Variants in NCKAP5 observed in about 807,000 individuals in gnomAD.
NCKAP5 encodes the protein NCK associated protein 5.
Under a neutral mutation model 167.0 loss-of-function variants are expected in NCKAP5, and 92 were observed. The observed-to-expected ratio is 0.55, with a 90% CI of 0.47 to 0.66. The LOEUF (loss-of-function observed/expected upper bound fraction) is 0.66, where lower values mean the gene tolerates loss of function less well. Among genes scored for constraint, NCKAP5 ranks in the 30% least tolerant of loss-of-function variants. The pLI is 0.00. For synonymous variants in NCKAP5, 891 were observed against 877.4 expected, an observed-to-expected ratio of 1.02 and a Z score of -0.27; for missense variants, 2,378 against 2,315.0, an observed-to-expected ratio of 1.03 and a Z score of -0.56.
At chr2:132,799,459 G>GCAT (rs1207032887) in intron 11 of NCKAP5, among the ~76,000 whole-genome samples, 1 of 152,086 alleles carries the variant, frequency 6.6e-6, no homozygotes, top group African/African-American at 2.4e-5. Context: ...AGAATTATAG[G>GCAT]CATCAGTAAG....
chr2:133,545,471 T>A (rs1474946761), intron 2 of NCKAP5, among the ~76,000 whole-genome samples: 1 of 152,140 alleles, frequency 6.6e-6, no homozygotes, highest in Non-Finnish European at 1.5e-5. Flanking sequence ...AGGTATGACC[T>A]CTAAAAATAT....
chr2:133,630,741 G>A, the NCKAP5 span, among the ~76,000 whole-genome samples: 2 of 152,274 alleles, frequency 1.3e-5, no homozygotes, highest in Admixed American at 6.5e-5. Flanking sequence ...TTTCCCTGTT[G>A]TCCTAGACAT....
intron 6 of NCKAP5, among the ~76,000 whole-genome samples, chr2:133,049,991 A>G (rs1323524704): frequency 1.3e-5 from 2 of 152,238 alleles, no homozygotes; most frequent in African/African-American, 2.4e-5. Context: ...CTAAGGCACA[A>G]TAAGAAAAGT....
intron 19 of NCKAP5, among the ~76,000 whole-genome samples, chr2:132,683,649 C>A (rs1685551718): frequency 6.6e-6 from 1 of 152,166 alleles, no homozygotes; most frequent in Non-Finnish European, 1.5e-5. Flanking sequence ...GTAATTGCAC[C>A]AACCTAATAG....
intron 5 of NCKAP5, among the ~76,000 whole-genome samples, chr2:133,178,323 A>T (rs959622820): frequency 6.6e-6 from 1 of 151,230 alleles, no homozygotes; most frequent in Non-Finnish European, 1.5e-5. Flanking sequence ...ACATGGGGAA[A>T]TTCTGTCTCT....
intron 1 of NCKAP5, among the ~76,000 whole-genome samples, chr2:133,567,376 T>C (rs775438584): frequency 4.6e-5 from 7 of 152,074 alleles, no homozygotes; most frequent in Admixed American, 2.0e-4. Context: ...GCTGGCGGCA[T>C]ACATGAAGCT....
At chr2:132,832,390 G>A (rs1687585730) in intron 11 of NCKAP5, among the ~76,000 whole-genome samples, 1 of 152,064 alleles carries the variant, frequency 6.6e-6, no homozygotes, top group African/African-American at 2.4e-5. Flanking sequence ...TGTTTTGCAT[G>A]TATATATGGG....
chr2:133,262,842 G>A (rs1428188348), intron 4 of NCKAP5, among the ~76,000 whole-genome samples: 2 of 152,134 alleles, frequency 1.3e-5, no homozygotes, highest in African/African-American at 4.8e-5. Flanking sequence ...AATGCCCCTT[G>A]GTAAATATTT....
chr2:133,645,976 AAAG>A, the NCKAP5 span, among the ~76,000 whole-genome samples: 1 of 152,050 alleles, frequency 6.6e-6, no homozygotes, highest in African/African-American at 2.4e-5. Context: ...GGGAGGAAGG[AAAG>A]AAGGACAGAA....
Position 132,728,911 on chromosome 2 carries a change from G to A in NCKAP5, c.5485C>T (p.Pro1829Ser), listed in dbSNP as rs776281664. The A allele has an allele frequency of 6.2e-7, 1 of 1,613,948 alleles. No individual in the cohort carries two copies. Among genetic ancestry groups the A allele is most frequent in the Non-Finnish European group, 8.5e-7 (1 of 1,179,874 alleles). Residue 1829 changes from proline (P) to serine (S), a missense_variant, in exon 18 of 20, where the codon CCT (proline) becomes TCT (serine). Transcript: ENST00000409261. ...TATCCGAATGATGAGCATGTCTGAG[G>A]CCTTGGCTCTGCTTCATTCTGCTTT... ...SQKQNEAEPR[P>S]QTCSSFGYAE... is the part of the protein sequence containing the mutation.
chr2:133,053,360 A>G (rs2079675426), intron 6 of NCKAP5, among the ~76,000 whole-genome samples: 1 of 152,226 alleles, frequency 6.6e-6, no homozygotes, highest in African/African-American at 2.4e-5. Context: ...AAGATCCTCA[A>G]GAAAATCAAA....
chr2:133,419,363 C>T (rs1689326732), intron 3 of NCKAP5, among the ~76,000 whole-genome samples: 2 of 152,192 alleles, frequency 1.3e-5, no homozygotes, highest in Admixed American at 1.3e-4. Context: ...AGGCCACAGA[C>T]TGATCTCTAA....
At chr2:133,646,596 G>A in the NCKAP5 span, among the ~76,000 whole-genome samples, 3 of 152,058 alleles carry the variant, frequency 2.0e-5, no homozygotes, top group African/African-American at 4.8e-5. Context: ...ATGCTAAAGC[G>A]AGCTTTTCAG....
intron 3 of NCKAP5, among the ~76,000 whole-genome samples, chr2:133,451,397 C>T (rs1691542239): frequency 6.6e-6 from 1 of 152,140 alleles, no homozygotes; most frequent in Non-Finnish European, 1.5e-5. Context: ...AAAGCATATG[C>T]CCCAGTGGCA....
intron 4 of NCKAP5, among the ~76,000 whole-genome samples, chr2:133,231,703 C>G (rs1049212092): frequency 6.6e-6 from 1 of 152,066 alleles, no homozygotes; most frequent in Non-Finnish European, 1.5e-5. Flanking sequence ...AAAATACTAA[C>G]GGTACCTATG....
At chr2:132,989,130 G>C (rs2077380341) in intron 7 of NCKAP5, among the ~76,000 whole-genome samples, 1 of 152,214 alleles carries the variant, frequency 6.6e-6, no homozygotes, top group Admixed American at 6.5e-5. Flanking sequence ...GGTAGCTATG[G>C]ACATACGAGC....
chr2:133,173,951 G>A (rs1312285466), intron 5 of NCKAP5, among the ~76,000 whole-genome samples: 1 of 151,928 alleles, frequency 6.6e-6, no homozygotes, highest in African/African-American at 2.4e-5. Context: ...AAACAGAATG[G>A]AGAGAAGGTA....
At chr2:133,532,305 C>T (rs961319949) in intron 2 of NCKAP5, among the ~76,000 whole-genome samples, 1 of 152,142 alleles carries the variant, frequency 6.6e-6, no homozygotes, top group Non-Finnish European at 1.5e-5. Flanking sequence ...ATGTTGTGAA[C>T]ATTCTTGTTC....
At chr2:133,177,507 A>G in intron 5 of NCKAP5, among the ~76,000 whole-genome samples, 1 of 152,064 alleles carries the variant, frequency 6.6e-6, no homozygotes, top group East Asian at 1.9e-4. Context: ...CAGAATGCAA[A>G]CATGGATTAC....
Sources: allele counts gnomAD v4.1 joint callset (sites outside exome capture counted in the v4.1 genomes callset), GRCh38; gene constraint gnomAD v4.1.1; transcripts MANE v1.5; gene names NCBI Gene and HGNC (gene_info 2026-07-23, HGNC 2026-07-21).